The following MTFR1 variants were observed in gnomAD, a reference collection of about 807,000 sequenced individuals.
The protein encoded by MTFR1 is chondrocyte protein with a poly-proline region.
A neutral mutation model predicts 38.8 loss-of-function variants in MTFR1; 28 were observed. That is an observed-to-expected ratio of 0.72 (90% confidence interval 0.53 to 0.99). The LOEUF (loss-of-function observed/expected upper bound fraction) is 0.99, where lower values mean the gene tolerates loss of function less well. Among genes scored for constraint, MTFR1 ranks in the 50% least tolerant of loss-of-function variants. The probability of loss-of-function intolerance (pLI) is 0.00; values close to 1 mark genes in which losing one functional copy is unlikely to be tolerated. For missense variants in MTFR1, 358 were observed against 395.5 expected, an observed-to-expected ratio of 0.91 and a Z score of 0.81; for synonymous variants, 145 against 137.0, an observed-to-expected ratio of 1.06 and a Z score of -0.41.
chr8:65,706,968 T>G, intron 5 of MTFR1, 42 bp from the exon 6 acceptor site: 1 of 1,537,814 alleles, frequency 6.5e-7, no homozygotes, highest in South Asian at 1.3e-5. Flanking sequence ...TTTCTTTGCT[T>G]AATACCAGTG....
intron 3 of MTFR1, among the ~76,000 whole-genome samples, chr8:65,761,500 G>A (rs1294767989): frequency 2.0e-5 from 3 of 152,276 alleles, no homozygotes; most frequent in East Asian, 1.9e-4. Flanking sequence ...TTAAGTCCCA[G>A]GCTTGTGCTA....
At chr8:65,703,411 T>C (rs1293099159) in intron 4 of MTFR1, among the ~76,000 whole-genome samples, 2 of 146,294 alleles carry the variant, frequency 1.4e-5, no homozygotes, top group South Asian at 2.2e-4. Context: ...CCATGCTTGA[T>C]GTCTCTGGTT....
intron 1 of MTFR1, among the ~76,000 whole-genome samples, chr8:65,650,826 A>G (rs1809102113): frequency 6.6e-6 from 1 of 152,184 alleles, no homozygotes; most frequent in South Asian, 2.1e-4. Flanking sequence ...CCTACCAGTG[A>G]GATTGACGAG....
At chr8:65,753,945 T>C (rs2095358675) in intron 3 of MTFR1, among the ~76,000 whole-genome samples, 1 of 152,088 alleles carries the variant, frequency 6.6e-6, no homozygotes, top group Non-Finnish European at 1.5e-5. Flanking sequence ...TCACCCCAGA[T>C]CTCTTTTGGT....
At chr8:65,768,079 G>A (rs766663781) in intron 3 of MTFR1, among the ~76,000 whole-genome samples, 32 of 152,238 alleles carry the variant, frequency 2.1e-4, no homozygotes, top group Middle Eastern at 3.4e-3. Context: ...GGTGTCCACC[G>A]CTTGGTGTGT....
Position 65,664,878 on chromosome 8 carries a change from G to A in MTFR1, c.-80-4995G>A, listed in dbSNP as rs529062331. Among the ~76,000 whole-genome samples the A allele has an allele frequency of 3.3e-3, 488 of 149,662 alleles. 3 individuals carry two copies. Among genetic ancestry groups the A allele is most frequent in the African/African-American group, 0.011 (459 of 40,672 alleles). On this transcript the variant is annotated intron_variant, in intron 1 of 7. Coordinates refer to ENST00000262146, the MANE Select transcript of MTFR1 (RefSeq NM_014637.4). The stretch of plus-strand genomic sequence containing the variant: ...GCTGGGATTACAGGCGTGAGCCACC[G>A]TGCCCCAGCCAAAGAAATATTTGAC...
At chr8:65,645,092 C>T (rs1808914543) in intron 1 of MTFR1, among the ~76,000 whole-genome samples, 1 of 152,188 alleles carries the variant, frequency 6.6e-6, no homozygotes, top group Non-Finnish European at 1.5e-5. Flanking sequence ...CCTGCCCCCT[C>T]CCCCGACCTT....
chr8:65,682,820 C>G (rs1804943324), intron 3 of MTFR1: 1 of 985,114 alleles, frequency 1.0e-6, no homozygotes, highest in Non-Finnish European at 1.2e-6. Context: ...GATAGCCACT[C>G]TGTTCCCCTG....
At chr8:65,696,374 G>C (rs749619957) in intron 4 of MTFR1, among the ~76,000 whole-genome samples, 2 of 152,100 alleles carry the variant, frequency 1.3e-5, no homozygotes, top group Non-Finnish European at 2.9e-5. Context: ...ATATTTATAA[G>C]AAACAATACA....
At chr8:65,737,874 A>C (rs1807217720) in intron 3 of MTFR1, among the ~76,000 whole-genome samples, 1 of 152,220 alleles carries the variant, frequency 6.6e-6, no homozygotes, top group Admixed American at 6.5e-5. Flanking sequence ...TTATAGTTCC[A>C]CAGTTTTACC....
chr8:65,656,221 A>C (rs1194576207), intron 1 of MTFR1, among the ~76,000 whole-genome samples: 3 of 151,644 alleles, frequency 2.0e-5, no homozygotes, highest in Non-Finnish European at 2.9e-5. Flanking sequence ...AAACAAAAAC[A>C]AACAACATTC....
intron 3 of MTFR1, among the ~76,000 whole-genome samples, chr8:65,750,880 G>A (rs1329757635): frequency 6.6e-6 from 1 of 152,152 alleles, no homozygotes; most frequent in Non-Finnish European, 1.5e-5. Flanking sequence ...TTTTGACCAA[G>A]TTAAGCTGCA....
rs114673606 is a variant in MTFR1, at chr8:65,737,679, C to T, written c.*48+18198C>T. Among the ~76,000 whole-genome samples the T allele has an allele frequency of 5.1e-3, 777 of 152,068 alleles. 6 individuals carry two copies. The highest frequency in any genetic ancestry group is 0.017 in the African/African-American group (720 of 41,450). On this transcript the variant is annotated intron_variant, in intron 3 of 3. Transcript: ENST00000521247. Reference sequence around the variant, plus strand: ...GATTACAGGCACATGCCTCCACACCCGACTAATTTTTGTATTTTTAGTAGA... The same window carrying T: ...GATTACAGGCACATGCCTCCACACCTGACTAATTTTTGTATTTTTAGTAGA...
intron 2 of MTFR1, among the ~76,000 whole-genome samples, chr8:65,671,903 C>T (rs1030891789): frequency 2.0e-5 from 3 of 152,136 alleles, no homozygotes; most frequent in African/African-American, 7.2e-5. Context: ...GTGGCTTGTA[C>T]AGTGTAGATA....
intron 2 of MTFR1, 149 bp from the exon 3 acceptor site, chr8:65,682,203 GA>G: frequency 3.0e-6 from 1 of 329,900 alleles, no homozygotes; most frequent in Non-Finnish European, 5.5e-6. Flanking sequence ...TTTTTGGATT[GA>G]GAAACATTAG....
At chr8:65,742,480 C>G (rs1355605055) in intron 3 of MTFR1, among the ~76,000 whole-genome samples, 3 of 152,232 alleles carry the variant, frequency 2.0e-5, no homozygotes, top group Non-Finnish European at 4.4e-5. Context: ...GCACGAATCA[C>G]TGCATTTTGC....
At chr8:65,676,057 T>C (rs1804699639) in intron 2 of MTFR1, among the ~76,000 whole-genome samples, 1 of 152,290 alleles carries the variant, frequency 6.6e-6, no homozygotes, top group Admixed American at 6.5e-5. Context: ...GGAATGTGAG[T>C]AAGGAAGAAG....
At chr8:65,700,349 T>TAAAAAAA (rs551471575) in intron 4 of MTFR1, among the ~76,000 whole-genome samples, 4 of 106,780 alleles carry the variant, frequency 3.7e-5, no homozygotes, top group Non-Finnish European at 7.8e-5. Flanking sequence ...AGACCTATCT[T>TAAAAAAA]AAAAAAAAAA....
At position 65,704,811 on chromosome 8, in the gene MTFR1, A is replaced by G; in HGVS notation, c.399A>G (p.Pro133=). Residue 133 remains proline, a synonymous_variant, in exon 5 of 8, where the codon CCA becomes CCG. Transcript: ENST00000262146. ...LSQEEPQLKT[P]ALANEEALQK... is the part of the protein sequence containing the mutation. ...AAGAAGAGCCTCAGCTGAAGACCCC[A>G]GCGCTGGCAAATGAGGAAGCACTGC... is the stretch of plus-strand genomic sequence containing the variant. The G allele has an allele frequency of 1.9e-6, 3 of 1,614,164 alleles. No individual in the cohort carries two copies. The highest frequency in any genetic ancestry group is 2.5e-6 in the Non-Finnish European group (3 of 1,180,028).
Sources: allele counts gnomAD v4.1 joint callset (sites outside exome capture counted in the v4.1 genomes callset), GRCh38; gene constraint gnomAD v4.1.1; transcripts MANE v1.5; gene names NCBI Gene and HGNC (gene_info 2026-07-23, HGNC 2026-07-21).